The following DENND1A variants were observed in gnomAD, a reference collection of about 807,000 sequenced individuals.
The protein encoded by DENND1A is DENN domain containing 1A.
DENND1A carries 51 observed loss-of-function variants against 113.7 expected under a neutral mutation model. The observed-to-expected ratio is 0.45, with a 90% confidence interval of 0.36 to 0.57. DENND1A has a LOEUF of 0.57. Among genes scored for constraint, DENND1A ranks in the 20% least tolerant of loss-of-function variants. DENND1A has a pLI of 0.00. For synonymous variants in DENND1A, 565 were observed against 570.8 expected (o/e 0.99, Z 0.14); for missense variants, 1,258 against 1,395.9 (o/e 0.90, Z 1.57).
chr9:123,793,106 A>G (rs1176544799), intron 2 of DENND1A, among the ~76,000 whole-genome samples: 4 of 152,210 alleles, frequency 2.6e-5, no homozygotes, highest in Non-Finnish European at 5.9e-5. Flanking sequence ...AATGAAATAT[A>G]TCCTTCTCAA....
chr9:123,897,279 C>G (rs1222573357), intron 1 of DENND1A, among the ~76,000 whole-genome samples: 2 of 152,196 alleles, frequency 1.3e-5, no homozygotes, highest in Non-Finnish European at 1.5e-5. Flanking sequence ...CCTCCATTAT[C>G]ACTCAGCATA....
Position 123,381,017 on chromosome 9 carries a change from G to A in DENND1A, c.*415C>T, listed in dbSNP as rs1202198170. ...CCCTGTCACCTGTGTCCGAGGAGGTGGGCGTGCAGGGCCTGGCTGTGGAGG... is the reference window on the plus strand; with the variant it reads ...CCCTGTCACCTGTGTCCGAGGAGGTAGGCGTGCAGGGCCTGGCTGTGGAGG... On this transcript the variant is annotated 3_prime_UTR_variant, in exon 24 of 24. Coordinates refer to ENST00000394215, the MANE Select transcript of DENND1A (RefSeq NM_001352964.2). The surrounding 1 kb of genome is among the most constrained non-coding windows in gnomAD (Gnocchi z 4.7). 1.5e-5 allele frequency: 3 copies of A among 204,614 alleles called. No homozygotes were observed. Among genetic ancestry groups the A allele is most frequent in the Non-Finnish European group, 9.9e-6 (1 of 100,972 alleles). 12.7% of individuals were successfully genotyped at this position (204,614 alleles called of 1,614,324 possible). A position where few individuals can be genotyped will look rare whatever the true frequency, so the allele number is the denominator to read the frequency against.
At chr9:123,594,029 C>T (rs901174581) in intron 11 of DENND1A, among the ~76,000 whole-genome samples, 1 of 152,186 alleles carries the variant, frequency 6.6e-6, no homozygotes, top group Non-Finnish European at 1.5e-5. Flanking sequence ...TGCAAGTTTC[C>T]TGGGGCCTCC....
chr9:123,401,266 C>G (rs1367250423), intron 21 of DENND1A: 1 of 157,134 alleles, frequency 6.4e-6, no homozygotes, highest in Non-Finnish European at 1.4e-5. Context: ...GTCCTGCCAG[C>G]TGGAGCTGAT....
chr9:123,559,917 T>A lies in DENND1A; in HGVS notation c.868-2222A>T, dbSNP rs1249203259. Among the ~76,000 whole-genome samples, 7 of 152,248 alleles carry A rather than the reference T, an allele frequency of 4.6e-5. No homozygotes were observed. The East Asian group carries it at 1.3e-3, about 29-fold the overall frequency. On this transcript the variant is annotated intron_variant, in intron 12 of 23. Transcript: ENST00000394215. ...AGGTTGGCCTACTCTGGACATTTCA[T>A]ATAAATGGAATTAACAATAGGTAGT...
chr9:123,505,192 T>C (rs954308750), intron 13 of DENND1A, among the ~76,000 whole-genome samples: 3 of 152,236 alleles, frequency 2.0e-5, no homozygotes, highest in Non-Finnish European at 2.9e-5. Flanking sequence ...TCTATGGTGA[T>C]TGGTAAATTA....
At chr9:123,690,128 G>A (rs1310389831) in intron 5 of DENND1A, among the ~76,000 whole-genome samples, 1 of 94,574 alleles carries the variant, frequency 1.1e-5, no homozygotes, top group South Asian at 5.4e-4. Flanking sequence ...GGAGGGAGGG[G>A]GGAAGAAGGA....
At chr9:123,620,453 CT>C in intron 10 of DENND1A, among the ~76,000 whole-genome samples, 1 of 152,018 alleles carries the variant, frequency 6.6e-6, no homozygotes, top group East Asian at 1.9e-4. Context: ...CTGGCAATGA[CT>C]TAGCAAAAGA....
At chr9:123,525,845 A>G (rs973571196) in intron 13 of DENND1A, among the ~76,000 whole-genome samples, 4 of 148,430 alleles carry the variant, frequency 2.7e-5, no homozygotes, top group African/African-American at 1.0e-4. Context: ...TGCAGCCTCA[A>G]CCTCCCAGGC....
chr9:123,743,654 C>A (rs957257854), intron 5 of DENND1A, among the ~76,000 whole-genome samples: 1 of 151,628 alleles, frequency 6.6e-6, no homozygotes, highest in Non-Finnish European at 1.5e-5. Flanking sequence ...ATCACTTGAA[C>A]CTGGAAGGCA....
At chr9:123,438,752 T>A (rs867432007) in intron 19 of DENND1A, among the ~76,000 whole-genome samples, 4 of 152,198 alleles carry the variant, frequency 2.6e-5, no homozygotes, top group East Asian at 1.9e-4. Flanking sequence ...GTGGCTTTTT[T>A]AATTGTTTAT....
At chr9:123,625,483 C>A (rs371090704) in intron 10 of DENND1A, among the ~76,000 whole-genome samples, 41 of 152,342 alleles carry the variant, frequency 2.7e-4, no homozygotes, top group African/African-American at 7.0e-4. Context: ...GTAGCTCATG[C>A]CTGTAATCCC....
At chr9:123,631,241 T>C (rs1427146760) in intron 9 of DENND1A, among the ~76,000 whole-genome samples, 1 of 152,182 alleles carries the variant, frequency 6.6e-6, no homozygotes, top group Non-Finnish European at 1.5e-5. Flanking sequence ...GCACTACTCC[T>C]TGTAGTCAAG....
At chr9:123,506,791 C>T (rs1005847209) in intron 13 of DENND1A, among the ~76,000 whole-genome samples, 1 of 152,050 alleles carries the variant, frequency 6.6e-6, no homozygotes, top group Admixed American at 6.6e-5. Context: ...TGTCTTCAGT[C>T]CAGGGTTCTT....
chr9:123,914,065 T>A (rs922288434), intron 1 of DENND1A, among the ~76,000 whole-genome samples: 4 of 151,838 alleles, frequency 2.6e-5, no homozygotes, highest in African/African-American at 9.7e-5. Flanking sequence ...ATCATAAAGA[T>A]ATATTTTAAG....
chr9:123,455,268 C>A (rs1039292117), intron 15 of DENND1A, among the ~76,000 whole-genome samples: 1 of 152,206 alleles, frequency 6.6e-6, no homozygotes, highest in Non-Finnish European at 1.5e-5. Context: ...AACTCAGCAG[C>A]CACCTCACTG....
chr9:123,810,936 T>C (rs1836488688), intron 2 of DENND1A, among the ~76,000 whole-genome samples: 1 of 151,504 alleles, frequency 6.6e-6, no homozygotes, highest in Non-Finnish European at 1.5e-5. Context: ...TTTTTGTACA[T>C]TTAGTAGAGA....
chr9:123,456,311 T>TAAAAGGGGGCCAGCAGCATGGGC (rs2048121320), intron 15 of DENND1A, among the ~76,000 whole-genome samples: 1 of 138,132 alleles, frequency 7.2e-6, no homozygotes, highest in Non-Finnish European at 1.7e-5. Flanking sequence ...GCAGCATGGG[T>TAAAAGGGGGCCAGCAGCATGGGC]ATTATTTTGC....
chr9:123,577,568 C>T (rs569684514), intron 12 of DENND1A, among the ~76,000 whole-genome samples: 2 of 152,206 alleles, frequency 1.3e-5, no homozygotes, highest in African/African-American at 4.8e-5. Flanking sequence ...GTTATGTTAT[C>T]GAATATTGGA....
Sources: gnomAD v4.1 joint callset for allele counts (sites outside exome capture counted in the v4.1 genomes callset) on GRCh38, gnomAD v4.1.1 for gene constraint, Gnocchi (gnomAD v3.1) non-coding constraint, MANE v1.5 for transcripts, NCBI Gene and HGNC (gene_info 2026-07-23, HGNC 2026-07-21) for gene names.